HMCN1: variants seen among roughly 807,000 people sequenced by gnomAD.
HMCN1 encodes hemicentin-1.
In HMCN1, 321 loss-of-function variants were observed where a neutral mutation model predicts 625.9. The ratio of observed to expected loss-of-function variants is 0.51; its 90% CI spans 0.47 to 0.56. The LOEUF (loss-of-function observed/expected upper bound fraction) is 0.56. HMCN1 is among the 20% of genes least tolerant of loss of function. The pLI is 0.00. For missense variants in HMCN1, 6,588 were observed against 6,887.3 expected, an observed-to-expected ratio of 0.96 and a Z score of 1.54; for synonymous variants, 2,425 against 2,417.6, an observed-to-expected ratio of 1.00 and a Z score of -0.09.
chr1:186,050,947 A>G (rs751492955), intron 42 of HMCN1, among the ~76,000 whole-genome samples: 72 of 152,076 alleles, frequency 4.7e-4, no homozygotes, highest in Non-Finnish European at 7.8e-4. Flanking sequence ...GTGGTTATGT[A>G]GAAAAGCATA....
chr1:186,163,530 G>T (rs978394385), intron 97 of HMCN1, among the ~76,000 whole-genome samples: 1 of 152,120 alleles, frequency 6.6e-6, no homozygotes. Context: ...GACTGGAGCT[G>T]TTCCTATTCG....
At chr1:186,137,693 G>A (rs765355775) in intron 88 of HMCN1, 25 bp downstream of exon 88, 2 of 1,613,924 alleles carry the variant, frequency 1.2e-6, no homozygotes, top group African/African-American at 1.3e-5. Flanking sequence ...TTAACTGATA[G>A]GCATGTGTTT....
intron 4 of HMCN1, among the ~76,000 whole-genome samples, chr1:185,872,011 C>T (rs1265652833): frequency 1.3e-5 from 2 of 152,122 alleles, no homozygotes; most frequent in African/African-American, 2.4e-5. Flanking sequence ...TAAGTAGAAA[C>T]GGGTGTTTCC....
At chr1:185,742,413 C>T (rs961380207) in intron 1 of HMCN1, among the ~76,000 whole-genome samples, 5 of 143,946 alleles carry the variant, frequency 3.5e-5, no homozygotes, top group African/African-American at 1.3e-4. Flanking sequence ...TAAGAAATTC[C>T]TCCAGGACTT....
intron 89 of HMCN1, among the ~76,000 whole-genome samples, chr1:186,140,216 T>G (rs1489420804): frequency 6.6e-6 from 1 of 152,168 alleles, no homozygotes; most frequent in Non-Finnish European, 1.5e-5. Context: ...CCCAGTAATA[T>G]CTTTGTAACT....
At chr1:186,124,075 C>T (rs898319411) in intron 81 of HMCN1, among the ~76,000 whole-genome samples, 4 of 152,174 alleles carry the variant, frequency 2.6e-5, no homozygotes, top group Middle Eastern at 6.8e-3. Context: ...ATACACTATC[C>T]ATTTGCCTTC....
chr1:185,898,478 T>G (rs923380355), intron 4 of HMCN1, among the ~76,000 whole-genome samples: 9 of 152,114 alleles, frequency 5.9e-5, no homozygotes, highest in Non-Finnish European at 1.2e-4. Flanking sequence ...GACTTTTTTT[T>G]TAACTAGAAA....
intron 11 of HMCN1, among the ~76,000 whole-genome samples, chr1:185,952,328 G>A (rs1330474163): frequency 1.3e-5 from 2 of 151,610 alleles, no homozygotes; most frequent in African/African-American, 4.9e-5. Flanking sequence ...GAAGAATTGG[G>A]ACCTAGCTCG....
In HMCN1 at chr1:186,112,938, A is replaced by T. The variant is rs1446153904; in HGVS notation, c.11116A>T (p.Ile3706Phe). ...TGCAGGAAAGACTACAAGAGAATTT[A>T]TTCTCACTGTAAATGGTAAGAAAAG... ...NIAGKTTREF[I>F]LTVNVPPNIK... Residue 3706 changes from isoleucine (I) to phenylalanine (F), a missense_variant, in exon 72 of 107, where the codon ATT becomes TTT. Ile to Phe is a conservative substitution (Grantham distance 21). Transcript: ENST00000271588. 6.2e-7 allele frequency: 1 copy of T among 1,614,092 alleles called. No homozygotes were observed. The highest frequency in any genetic ancestry group is 1.7e-5 in the Admixed American group (1 of 60,028).
At chr1:185,974,140 G>T (rs1651032617) in intron 15 of HMCN1, among the ~76,000 whole-genome samples, 1 of 152,134 alleles carries the variant, frequency 6.6e-6, no homozygotes. Context: ...ACCCTGTGCA[G>T]ATCTCAAGAT....
At chr1:185,882,985 A>G (rs1664403882) in intron 4 of HMCN1, among the ~76,000 whole-genome samples, 1 of 152,000 alleles carries the variant, frequency 6.6e-6, no homozygotes, top group Admixed American at 6.6e-5. Context: ...GATCTCTATT[A>G]TAGTGCCAGA....
In HMCN1 at chr1:185,970,328, G is replaced by A. The variant is rs771191029; in HGVS notation, c.2213-7G>A. On this transcript the variant is annotated splice_polypyrimidine_tract_variant and splice_region_variant and intron_variant, in intron 14 of 106. Coordinates refer to ENST00000271588, the MANE Select transcript of HMCN1 (RefSeq NM_031935.3). ...TGTTTAATGTTCTCCCCTTTGTTTT[G>A]ACTTAGGAGATCTTGAGTTGAGGCC... 8.1e-6 allele frequency: 13 copies of A among 1,612,116 alleles called. No homozygotes were observed. The East Asian group carries it at 2.7e-4, about 33-fold the overall frequency.
chr1:185,941,827 A>G (rs1668095265), intron 11 of HMCN1, among the ~76,000 whole-genome samples: 1 of 152,196 alleles, frequency 6.6e-6, no homozygotes, highest in African/African-American at 2.4e-5. Context: ...ACTTAAAGAA[A>G]AGAAATATTA....
chr1:186,096,242 T>C (rs1477291814), intron 68 of HMCN1, among the ~76,000 whole-genome samples: 2 of 152,094 alleles, frequency 1.3e-5, no homozygotes, highest in Non-Finnish European at 2.9e-5. Context: ...AGTTAGCATA[T>C]GTTTCAGCGT....
intron 63 of HMCN1, among the ~76,000 whole-genome samples, chr1:186,090,336 C>T (rs1196684723): frequency 6.6e-6 from 1 of 151,920 alleles, no homozygotes; most frequent in African/African-American, 2.4e-5. Flanking sequence ...ATAATTTCCT[C>T]AGACCTTTAT....
At chr1:186,104,020 A>C (rs1028540758) in intron 69 of HMCN1, among the ~76,000 whole-genome samples, 1 of 152,200 alleles carries the variant, frequency 6.6e-6, no homozygotes, top group African/African-American at 2.4e-5. Flanking sequence ...GGTTTCAAAG[A>C]GCACTTTTGA....
chr1:185,965,071 C>T (rs1420272306), intron 13 of HMCN1, among the ~76,000 whole-genome samples: 1 of 152,102 alleles, frequency 6.6e-6, no homozygotes, highest in Non-Finnish European at 1.5e-5. Context: ...GTTAACTTAG[C>T]TTTGTTTAAA....
chr1:185,791,766 A>C (rs1182030065), intron 1 of HMCN1, among the ~76,000 whole-genome samples: 1 of 152,082 alleles, frequency 6.6e-6, no homozygotes, highest in Non-Finnish European at 1.5e-5. Context: ...AGAAATATTA[A>C]ATCAGTCATG....
rs930917760 is a variant in HMCN1 at position 186,151,363 on chromosome 1, T to TC, written c.14758+15dup. 6.2e-7 allele frequency: 1 copy of TC among 1,610,530 alleles called. No homozygotes were observed. The highest frequency in any genetic ancestry group is 1.7e-5 in the Admixed American group (1 of 59,964). ...CTCGTAGTCTTGGTAAGTCTTTGCC[T>TC]CAAGCCTCTTTTTAAAAACTTATAT... On this transcript the variant is annotated intron_variant, in intron 94 of 106. Transcript: ENST00000271588.
Sources: allele counts gnomAD v4.1 joint callset (sites outside exome capture counted in the v4.1 genomes callset), GRCh38; gene constraint gnomAD v4.1.1; transcripts MANE v1.5; gene names NCBI Gene and HGNC (gene_info 2026-07-23, HGNC 2026-07-21).